TMEM200A: variants seen among roughly 807,000 people sequenced by gnomAD.
The protein encoded by TMEM200A is transmembrane protein 200A.
In TMEM200A, 12 loss-of-function variants were observed where a neutral mutation model predicts 24.3. That is an observed-to-expected ratio of 0.49 (90% CI 0.32 to 0.80). TMEM200A has a LOEUF of 0.80. TMEM200A is among the 30% of genes least tolerant of loss of function. TMEM200A has a pLI of 0.04. For missense variants in TMEM200A, 545 were observed against 614.4 expected (o/e 0.89, Z 1.19); for synonymous variants, 224 against 224.4 (o/e 1.00, Z 0.02).
chr6:130,381,802 T>G, intron 1 of TMEM200A: 1 of 500,698 alleles, frequency 2.0e-6, no homozygotes, highest in Non-Finnish European at 2.6e-6. Flanking sequence ...AGCAGAAAGG[T>G]TTATTTGGTT....
intron 2 of TMEM200A, among the ~76,000 whole-genome samples, chr6:130,407,768 C>G (rs980460451): frequency 6.6e-6 from 1 of 152,130 alleles, no homozygotes; most frequent in African/African-American, 2.4e-5. Context: ...ATTTTAGAAA[C>G]AGAAAAGTTA....
At chr6:130,422,953 C>T (rs1407925529) in intron 2 of TMEM200A, among the ~76,000 whole-genome samples, 1 of 152,106 alleles carries the variant, frequency 6.6e-6, no homozygotes, top group Non-Finnish European at 1.5e-5. Context: ...GGAATTTTAT[C>T]ATTTAGTTGA....
At chr6:130,412,798 C>G (rs1409041577) in intron 2 of TMEM200A, among the ~76,000 whole-genome samples, 1 of 152,112 alleles carries the variant, frequency 6.6e-6, no homozygotes, top group Admixed American at 6.5e-5. Context: ...TTGCCAAACA[C>G]AAAACATCTG....
At chr6:130,435,755 C>T (rs1392585267) in intron 2 of TMEM200A, among the ~76,000 whole-genome samples, 2 of 152,184 alleles carry the variant, frequency 1.3e-5, no homozygotes. Context: ...AAATGAAATT[C>T]AGTGTAGTAA....
intron 2 of TMEM200A, among the ~76,000 whole-genome samples, chr6:130,402,268 C>G (rs945036575): frequency 1.3e-5 from 2 of 151,864 alleles, no homozygotes; most frequent in African/African-American, 4.8e-5. Flanking sequence ...TGAAACACAA[C>G]AAACAATTTC....
Position 130,441,652 on chromosome 6 carries a change from G to A in TMEM200A, c.1230G>A (p.Gln410=). ...GGGGTCCCTCCACTCTAACTGTTCA[G>A]GCAGAACAACGGAAACATCCAAGTT... ...LDRGPSTLTV[Q]AEQRKHPSWP... Residue 410 remains glutamine (Q), a synonymous_variant, in exon 3 of 3, where the codon CAG becomes CAA. Coordinates refer to ENST00000296978, the MANE Select transcript of TMEM200A (RefSeq NM_001258277.2). The A allele has an allele frequency of 6.2e-7, 1 of 1,614,006 alleles. No individual in the cohort carries two copies. Among genetic ancestry groups the A allele is most frequent in the East Asian group, 2.2e-5 (1 of 44,846 alleles).
Position 130,366,088 on chromosome 6 carries a change from G to T in TMEM200A, c.-517G>T. On this transcript the variant is annotated 5_prime_UTR_variant, in exon 1 of 3. Transcript: ENST00000296978. This position sits in a 1 kb window ranked among gnomAD's most constrained non-coding sequence, Gnocchi z 4.4. ...TTTGTCTTTCTTGGACGCGGTGGCG[G>T]CGCCGCCTGAGCGGCGACTCCCTCT... The T allele has an allele frequency of 1.0e-6, 1 of 985,686 alleles. No homozygotes were observed. Among genetic ancestry groups the T allele is most frequent in the Non-Finnish European group, 1.2e-6 (1 of 830,166 alleles). The allele number at this position is 985,686 out of a possible 1,614,324, so 61.1% of individuals were successfully genotyped here.
chr6:130,383,602 G>A (rs1778650516), intron 1 of TMEM200A, among the ~76,000 whole-genome samples: 1 of 152,182 alleles, frequency 6.6e-6, no homozygotes. Flanking sequence ...ACGCTAGTAA[G>A]TATTTTTAGT....
At chr6:130,427,403 T>C (rs1562569643) in intron 2 of TMEM200A, among the ~76,000 whole-genome samples, 1 of 152,172 alleles carries the variant, frequency 6.6e-6, no homozygotes, top group Admixed American at 6.5e-5. Flanking sequence ...TAATATTCCA[T>C]TATATGGAGG....
intron 2 of TMEM200A, among the ~76,000 whole-genome samples, chr6:130,395,644 G>A (rs1778936090): frequency 6.6e-6 from 1 of 152,098 alleles, no homozygotes; most frequent in Non-Finnish European, 1.5e-5. Flanking sequence ...GTTAAAGAAC[G>A]AAATTTCTGT....
At chr6:130,365,721 G>C, upstream of TMEM200A, 2 of 985,528 alleles carry the variant, frequency 2.0e-6, no homozygotes, top group Non-Finnish European at 1.2e-6. Flanking sequence ...GCCTGCAAGC[G>C]GGTACTTTGT....
At chr6:130,370,705 AGAATGGGAAACACCCATTCTGGAAT>A (rs958896310) in intron 1 of TMEM200A, among the ~76,000 whole-genome samples, 26 of 152,284 alleles carry the variant, frequency 1.7e-4, no homozygotes, top group East Asian at 5.8e-4. Context: ...GATTGTTTCC[AGAATGGGAAACACCCATTCTGGAAT>A]GAATGGGAAG....
intron 2 of TMEM200A, among the ~76,000 whole-genome samples, chr6:130,390,109 A>G (rs901440351): frequency 4.6e-5 from 7 of 152,240 alleles, no homozygotes; most frequent in African/African-American, 1.7e-4. Context: ...AGTATAAAAA[A>G]TGAAATGCCC....
intron 2 of TMEM200A, among the ~76,000 whole-genome samples, chr6:130,411,502 C>T (rs895433279): frequency 6.6e-6 from 1 of 152,178 alleles, no homozygotes; most frequent in Non-Finnish European, 1.5e-5. Flanking sequence ...ATTCTCAGAT[C>T]CCACTTCAGT....
chr6:130,367,184 G>C (rs1027743138), intron 1 of TMEM200A, among the ~76,000 whole-genome samples: 1 of 152,104 alleles, frequency 6.6e-6, no homozygotes. Flanking sequence ...ACCGGGCATT[G>C]GTAATGTCGG....
intron 2 of TMEM200A, among the ~76,000 whole-genome samples, chr6:130,400,725 C>T (rs531424428): frequency 1.3e-5 from 2 of 151,988 alleles, no homozygotes; most frequent in Non-Finnish European, 2.9e-5. Flanking sequence ...CCTAGCCACA[C>T]ACTTGGAGCT....
At chr6:130,388,400 C>G (rs1009129318) in intron 2 of TMEM200A, among the ~76,000 whole-genome samples, 1 of 152,172 alleles carries the variant, frequency 6.6e-6, no homozygotes, top group African/African-American at 2.4e-5. Flanking sequence ...AATGAATTAT[C>G]AAGACAGGAG....
chr6:130,390,434 C>T (rs1778808682), intron 2 of TMEM200A, among the ~76,000 whole-genome samples: 1 of 152,212 alleles, frequency 6.6e-6, no homozygotes, highest in Non-Finnish European at 1.5e-5. Flanking sequence ...ATGTGGGCTA[C>T]AGTATGTCAT....
At chr6:130,412,309 C>T (rs923399680) in intron 2 of TMEM200A, among the ~76,000 whole-genome samples, 3 of 151,814 alleles carry the variant, frequency 2.0e-5, no homozygotes, top group Non-Finnish European at 2.9e-5. Context: ...TGTAAACAGT[C>T]TCTCATCCCT....
Sources: gnomAD v4.1 joint callset for allele counts (sites outside exome capture counted in the v4.1 genomes callset) on GRCh38, gnomAD v4.1.1 for gene constraint, Gnocchi (gnomAD v3.1) non-coding constraint, MANE v1.5 for transcripts, NCBI Gene and HGNC (gene_info 2026-07-23, HGNC 2026-07-21) for gene names.